Variants in HDAC8 observed in about 807,000 individuals in gnomAD.
The protein encoded by HDAC8 is histone deacetylase-like 1.
In HDAC8, 1 loss-of-function variant was observed where a neutral mutation model predicts 32.2. The observed-to-expected ratio is 0.03, with a 90% confidence interval of 0.01 to 0.15. The LOEUF (loss-of-function observed/expected upper bound fraction) is 0.15, where lower values mean the gene tolerates loss of function less well. HDAC8 is among the 10% of genes least tolerant of loss of function. HDAC8 has a pLI of 1.00. For synonymous variants in HDAC8, 108 were observed against 113.9 expected (o/e 0.95, Z 0.33); for missense variants, 117 against 300.0 (o/e 0.39, Z 4.51).
intron 4 of HDAC8, among the ~76,000 whole-genome samples, chrX:72,544,117 T>C (rs1338518650): frequency 8.9e-6 from 1 of 112,017 alleles, no homozygotes; most frequent in Non-Finnish European, 1.9e-5. Flanking sequence ...CAGGCTGTAA[T>C]GGTTTGAGCT....
rs2051860293 is a variant in HDAC8 at position 72,567,879 on chromosome X, A to G, written c.437+10T>C. ...GAAAGAGTCAGAAAACAGAAAGGTC[A>G]TTTTCTTACTTCTTTGCATGATGCC... On this transcript the variant is annotated intron_variant, in intron 4 of 10. Coordinates refer to ENST00000373573, the MANE Select transcript of HDAC8 (RefSeq NM_018486.3). 2.5e-6 allele frequency: 3 copies of G among 1,210,196 alleles called. No homozygotes were observed. The highest frequency in any genetic ancestry group is 3.4e-6 in the Non-Finnish European group (3 of 895,278).
At chrX:72,524,900 C>T (rs2050090605) in intron 4 of HDAC8, among the ~76,000 whole-genome samples, 1 of 111,621 alleles carries the variant, frequency 9.0e-6, no homozygotes, top group African/African-American at 3.3e-5. Flanking sequence ...ATACATGATA[C>T]ATTATACCAC....
intron 4 of HDAC8, among the ~76,000 whole-genome samples, chrX:72,525,179 T>G (rs782716541): frequency 8.9e-6 from 1 of 112,559 alleles, no homozygotes; most frequent in Non-Finnish European, 1.9e-5. Flanking sequence ...CATAGGTTGG[T>G]CTGTCTACCC....
chrX:72,341,061 G>A (rs1401320987), intron 10 of HDAC8, among the ~76,000 whole-genome samples: 4 of 111,722 alleles, frequency 3.6e-5, no homozygotes, highest in African/African-American at 1.3e-4. Context: ...AAATGGTTCT[G>A]TGGTGGTCTC....
chrX:72,471,646 ATCT>A lies in HDAC8; in HGVS notation c.738-6918_738-6916del, dbSNP rs1276314290. On this transcript the variant is annotated intron_variant, in intron 7 of 10. Coordinates refer to ENST00000373573, the MANE Select transcript of HDAC8 (RefSeq NM_018486.3). ...TCATGTGCTTATTGGATATTTGTGT[ATCT>A]TCTTTGAAATAATATCTATTTCAAC... 2.7e-5 allele frequency among the ~76,000 whole-genome samples: 3 copies of A among 112,159 alleles called. No individual in the cohort carries two copies. In the East Asian group the frequency reaches 8.3e-4, roughly 31 times the overall value.
chrX:72,504,306 C>T (rs1476390620), intron 4 of HDAC8, among the ~76,000 whole-genome samples: 1 of 111,994 alleles, frequency 8.9e-6, no homozygotes, highest in East Asian at 2.8e-4. Flanking sequence ...AAAACCCATG[C>T]TTATTAAACA....
intron 9 of HDAC8, among the ~76,000 whole-genome samples, chrX:72,376,303 C>T (rs782233866): frequency 1.7e-3 from 188 of 112,170 alleles, no homozygotes; most frequent in African/African-American, 5.7e-3. Flanking sequence ...CTTAAGTCTA[C>T]CTAAAGTTTT....
intron 4 of HDAC8, among the ~76,000 whole-genome samples, chrX:72,511,641 T>A (rs1490879258): frequency 8.9e-6 from 1 of 112,029 alleles, no homozygotes; most frequent in Non-Finnish European, 1.9e-5. Context: ...CTGATCACAA[T>A]CTCTGTCAAG....
intron 10 of HDAC8, among the ~76,000 whole-genome samples, chrX:72,348,941 C>T (rs140763155): frequency 8.9e-6 from 1 of 112,058 alleles, no homozygotes; most frequent in African/African-American, 3.2e-5. Flanking sequence ...TCACCCTCCC[C>T]CAAGGAAGGG....
intron 9 of HDAC8, among the ~76,000 whole-genome samples, chrX:72,374,081 G>A (rs1180626484): frequency 2.7e-5 from 3 of 111,666 alleles, no homozygotes; most frequent in African/African-American, 9.8e-5. Context: ...GTTTCACTCT[G>A]TCACCCAGGC....
In HDAC8 at chrX:72,329,702, T is replaced by A. The variant is rs1471396219; in HGVS notation, c.*352A>T. 1 of 1,188,016 alleles carries A rather than the reference T, an allele frequency of 8.4e-7. No homozygotes were observed. The highest frequency in any genetic ancestry group is 1.1e-6 in the Non-Finnish European group (1 of 883,220). Reference sequence around the variant, plus strand: ...CCCTACAAACTGGTGACTGCTCTCATCCAGCTTCTGATCTGTTTCATTTAA... The same window carrying A: ...CCCTACAAACTGGTGACTGCTCTCAACCAGCTTCTGATCTGTTTCATTTAA... On this transcript the variant is annotated 3_prime_UTR_variant, in exon 11 of 11. Coordinates refer to ENST00000373573, the MANE Select transcript of HDAC8 (RefSeq NM_018486.3).
At chrX:72,434,386 C>G (rs1569294101) in intron 9 of HDAC8, among the ~76,000 whole-genome samples, 4 of 111,893 alleles carry the variant, frequency 3.6e-5, no homozygotes. Context: ...CTAAATCCTA[C>G]CTATATGAAG....
At chrX:72,368,804 G>A (rs2044781258) in intron 9 of HDAC8, among the ~76,000 whole-genome samples, 1 of 112,465 alleles carries the variant, frequency 8.9e-6, no homozygotes, top group Non-Finnish European at 1.9e-5. Flanking sequence ...GCACAAAGAC[G>A]GCCCTCACTC....
At chrX:72,437,901 G>A (rs975374809) in intron 9 of HDAC8, among the ~76,000 whole-genome samples, 1 of 112,153 alleles carries the variant, frequency 8.9e-6, no homozygotes, top group African/African-American at 3.2e-5. Flanking sequence ...GTGAAGGGGC[G>A]GCTGTGGGTG....
At chrX:72,459,731 G>A (rs2047817400) in intron 9 of HDAC8, among the ~76,000 whole-genome samples, 1 of 111,240 alleles carries the variant, frequency 9.0e-6, no homozygotes, top group Non-Finnish European at 1.9e-5. Flanking sequence ...GCTGCTTGAG[G>A]TAGGGGATGA....
intron 7 of HDAC8, among the ~76,000 whole-genome samples, chrX:72,488,415 C>T (rs1603057937): frequency 1.8e-5 from 2 of 111,343 alleles, no homozygotes; most frequent in East Asian, 2.8e-4. Flanking sequence ...TGTCTGTCTA[C>T]GATTGTCTGT....
intron 7 of HDAC8, chrX:72,474,516 C>T (rs936845639): frequency 1.9e-5 from 20 of 1,080,575 alleles, no homozygotes; most frequent in Non-Finnish European, 2.0e-5. Flanking sequence ...AATCTCTTAT[C>T]CAGAAAGGAG....
At chrX:72,549,916 G>A (rs1556065570) in intron 4 of HDAC8, among the ~76,000 whole-genome samples, 1 of 111,341 alleles carries the variant, frequency 9.0e-6, no homozygotes, top group African/African-American at 3.3e-5. Context: ...CTGGTTTAAC[G>A]GCCAACTATT....
chrX:72,554,955 A>C (rs1485538534), intron 4 of HDAC8, among the ~76,000 whole-genome samples: 1 of 112,170 alleles, frequency 8.9e-6, no homozygotes, highest in African/African-American at 3.2e-5. Flanking sequence ...TCCTGGCTGG[A>C]GGCCAACCAA....
Sources: allele counts gnomAD v4.1 joint callset (sites outside exome capture counted in the v4.1 genomes callset), GRCh38; gene constraint gnomAD v4.1.1; transcripts MANE v1.5; gene names NCBI Gene and HGNC (gene_info 2026-07-23, HGNC 2026-07-21).